The following CACHD1 variants were observed in gnomAD, a reference collection of about 807,000 sequenced individuals.
CACHD1 encodes VWFA and cache domain-containing protein 1.
Under a neutral mutation model 138.7 loss-of-function variants are expected in CACHD1, and 71 were observed. That is an observed-to-expected ratio of 0.51 (90% CI 0.42 to 0.62). CACHD1 has a LOEUF of 0.62. CACHD1 is among the 20% of genes least tolerant of loss of function. The pLI is 0.00. For synonymous variants in CACHD1, 578 were observed against 591.5 expected, an observed-to-expected ratio of 0.98 and a Z score of 0.33; for missense variants, 1,389 against 1,625.3, an observed-to-expected ratio of 0.85 and a Z score of 2.50.
At chr1:64,539,188 G>T (rs1366596338) in intron 1 of CACHD1, among the ~76,000 whole-genome samples, 1 of 152,140 alleles carries the variant, frequency 6.6e-6, no homozygotes, top group Non-Finnish European at 1.5e-5. Flanking sequence ...TTGCGAAAAG[G>T]CTTAGGAACA....
chr1:64,549,633 C>T (rs992590179), intron 1 of CACHD1, among the ~76,000 whole-genome samples: 2 of 151,958 alleles, frequency 1.3e-5, no homozygotes, highest in African/African-American at 2.4e-5. Flanking sequence ...TGTGTTAGGC[C>T]GTCTGGGAAG....
At chr1:64,521,394 A>G (rs1355387644) in intron 1 of CACHD1, among the ~76,000 whole-genome samples, 1 of 152,222 alleles carries the variant, frequency 6.6e-6, no homozygotes, top group African/African-American at 2.4e-5. Flanking sequence ...TAATTAGTTT[A>G]GGCCCATTGG....
chr1:64,562,074 A>G (rs1014364128), intron 2 of CACHD1, among the ~76,000 whole-genome samples: 2 of 152,058 alleles, frequency 1.3e-5, no homozygotes, highest in African/African-American at 4.8e-5. Flanking sequence ...GGCTGCGCTC[A>G]AGATTTTTCT....
chr1:64,566,127 A>G (rs1235985750), intron 2 of CACHD1, among the ~76,000 whole-genome samples: 1 of 151,952 alleles, frequency 6.6e-6, no homozygotes, highest in Non-Finnish European at 1.5e-5. Flanking sequence ...CCCCTTCTCT[A>G]TTTTATCTCC....
chr1:64,471,085 C>G (rs1646141360), intron 1 of CACHD1, 143 bp downstream of exon 1: 1 of 715,190 alleles, frequency 1.4e-6, no homozygotes, highest in South Asian at 2.3e-5. Flanking sequence ...CCCCTCTGTC[C>G]TCTGCACAGA....
At chr1:64,547,577 G>A (rs1247153239) in intron 1 of CACHD1, among the ~76,000 whole-genome samples, 1 of 152,080 alleles carries the variant, frequency 6.6e-6, no homozygotes, top group Admixed American at 6.5e-5. Flanking sequence ...ATGTTAGCCG[G>A]GCTTGTCTTG....
At chr1:64,659,015 C>A in intron 13 of CACHD1, 142 bp downstream of exon 13, 1 of 684,466 alleles carries the variant, frequency 1.5e-6, no homozygotes, top group South Asian at 2.7e-5. Context: ...AATATGAAAA[C>A]GATTTGAAGC....
intron 1 of CACHD1, among the ~76,000 whole-genome samples, chr1:64,497,067 C>CA (rs1269727359): frequency 4.0e-5 from 6 of 151,380 alleles, no homozygotes; most frequent in South Asian, 2.1e-4. Flanking sequence ...ACTTTTTCTT[C>CA]AAAAAAATGC....
intron 1 of CACHD1, among the ~76,000 whole-genome samples, chr1:64,514,886 A>G (rs1345613741): frequency 2.0e-5 from 3 of 152,216 alleles, no homozygotes; most frequent in Non-Finnish European, 2.9e-5. Context: ...TAGTAATTAC[A>G]ATTAAATAAC....
intron 7 of CACHD1, among the ~76,000 whole-genome samples, chr1:64,638,122 T>G (rs1648584863): frequency 6.6e-6 from 1 of 152,214 alleles, no homozygotes; most frequent in African/African-American, 2.4e-5. Flanking sequence ...CTAGATGTCC[T>G]AAGTTGACCT....
At chr1:64,629,848 G>C (rs771194956) in intron 5 of CACHD1, among the ~76,000 whole-genome samples, 4 of 152,084 alleles carry the variant, frequency 2.6e-5, no homozygotes, top group Non-Finnish European at 5.9e-5. Context: ...ATATCTCAGA[G>C]TAGTTTGTTA....
chr1:64,541,296 A>G (rs1326525381), intron 1 of CACHD1, among the ~76,000 whole-genome samples: 1 of 152,282 alleles, frequency 6.6e-6, no homozygotes, highest in African/African-American at 2.4e-5. Context: ...GGAATTAACA[A>G]TAAGGTTAGG....
At chr1:64,563,283 T>A (rs1646856455) in intron 2 of CACHD1, among the ~76,000 whole-genome samples, 1 of 152,206 alleles carries the variant, frequency 6.6e-6, no homozygotes, top group African/African-American at 2.4e-5. Context: ...AAATATCTGC[T>A]GGGACATTGT....
At chr1:64,685,191 A>G (rs968076107) in intron 26 of CACHD1, among the ~76,000 whole-genome samples, 1 of 152,208 alleles carries the variant, frequency 6.6e-6, no homozygotes, top group East Asian at 1.9e-4. Flanking sequence ...TACCTATAGT[A>G]TTACCTACAG....
chr1:64,681,541 G>GGGTT (rs1553146851), intron 25 of CACHD1, among the ~76,000 whole-genome samples: 2 of 68,132 alleles, frequency 2.9e-5, no homozygotes, highest in African/African-American at 1.5e-4. Flanking sequence ...ATTTTATTGT[G>GGGTT]TTTTTTTTTT....
At chr1:64,678,137 C>T in intron 22 of CACHD1, 22 bp from the exon 23 acceptor site, 1 of 1,607,182 alleles carries the variant, frequency 6.2e-7, no homozygotes, top group Non-Finnish European at 8.5e-7. Context: ...TTATAGAAGA[C>T]TAAGTATTGT....
At chr1:64,620,405 A>C (rs1647867246) in intron 4 of CACHD1, among the ~76,000 whole-genome samples, 1 of 152,170 alleles carries the variant, frequency 6.6e-6, no homozygotes, top group African/African-American at 2.4e-5. Flanking sequence ...ACAGGAGTGC[A>C]TTGTCCCTTA....
intron 1 of CACHD1, among the ~76,000 whole-genome samples, chr1:64,489,065 A>G (rs976444620): frequency 2.0e-5 from 3 of 152,124 alleles, no homozygotes; most frequent in Non-Finnish European, 4.4e-5. Flanking sequence ...CCCATGGGTC[A>G]TGTTCCCTGG....
chr1:64,643,812 T>C (rs11208486), intron 8 of CACHD1, among the ~76,000 whole-genome samples: 22,080 of 152,102 alleles, frequency 0.15, 2,937 homozygotes, highest in East Asian at 0.53. Context: ...CACTCCAGCC[T>C]GGGCGACAGA....
Sources: allele counts gnomAD v4.1 joint callset (sites outside exome capture counted in the v4.1 genomes callset), GRCh38; gene constraint gnomAD v4.1.1; transcripts MANE v1.5; gene names NCBI Gene and HGNC (gene_info 2026-07-23, HGNC 2026-07-21).